The following THSD4 variants were observed in gnomAD, a reference collection of about 807,000 sequenced individuals.
THSD4 encodes the protein thrombospondin type 1 domain containing 4.
Under a neutral mutation model 119.0 loss-of-function variants are expected in THSD4, and 69 were observed. That is an observed-to-expected ratio of 0.58 (90% CI 0.48 to 0.71). The LOEUF is 0.71. Ranked by LOEUF, THSD4 falls within the 30% of genes least tolerant of loss-of-function variation. The pLI, the probability that THSD4 is intolerant of heterozygous loss-of-function variation, is 0.00. For synonymous variants in THSD4, 524 were observed against 540.4 expected (o/e 0.97, Z 0.42); for missense variants, 1,393 against 1,391.1 (o/e 1.00, Z -0.02).
chr15:71,447,109 A>ATTTTTTTTTTTT (rs1491223591), intron 7 of THSD4, among the ~76,000 whole-genome samples: 6 of 69,482 alleles, frequency 8.6e-5, no homozygotes, highest in African/African-American at 2.8e-4. Context: ...TCTTCCCTCC[A>ATTTTTTTTTTTT]TTTTTTTTGT....
rs35006832 is a variant in THSD4 at position 71,409,886 on chromosome 15, G to GTT, written c.1016-1789_1016-1788dup. ...CAGCATTAGTCTTGTCTCCAAAACA[G>GTT]TTTTTTTTTTTTTGTTTTTTTTACA... On this transcript the variant is annotated intron_variant, in intron 6 of 17. Transcript: ENST00000261862. Among the ~76,000 whole-genome samples, 808 of 148,850 alleles carry GTT rather than the reference G, an allele frequency of 5.4e-3. 10 individuals carry two copies. Among genetic ancestry groups the GTT allele is most frequent in the East Asian group, 0.051 (262 of 5,104 alleles).
chr15:71,273,691 T>G lies in THSD4; in HGVS notation c.1015+16976T>G, dbSNP rs561316949. ...TAAAATTTAAAAATACACAGTATCA[T>G]TTTGAGACTCATTTAGAATTATAGG... On this transcript the variant is annotated intron_variant, in intron 6 of 17. Transcript: ENST00000261862. Among the ~76,000 whole-genome samples the G allele has an allele frequency of 1.2e-3, 190 of 152,280 alleles. 1 individual carries two copies. The highest frequency in any genetic ancestry group is 3.4e-3 in the Middle Eastern group (1 of 294).
At chr15:71,399,629 G>A (rs1268960902) in intron 6 of THSD4, among the ~76,000 whole-genome samples, 5 of 152,164 alleles carry the variant, frequency 3.3e-5, no homozygotes, top group East Asian at 3.8e-4. Flanking sequence ...GGTTACAAGC[G>A]AGGTCTCCTT....
At chr15:71,772,284 A>G (rs1322205725) in intron 17 of THSD4, among the ~76,000 whole-genome samples, 1 of 152,204 alleles carries the variant, frequency 6.6e-6, no homozygotes, top group African/African-American at 2.4e-5. Context: ...CAGTTACAGC[A>G]TAGATGCTTT....
At chr15:71,146,949 A>G (rs975742222) in intron 2 of THSD4, among the ~76,000 whole-genome samples, 3 of 152,194 alleles carry the variant, frequency 2.0e-5, no homozygotes, top group African/African-American at 4.8e-5. Context: ...AAAAGGCTCA[A>G]TGGAGTCAAG....
At chr15:71,186,906 A>G (rs994560722) in intron 3 of THSD4, 3 of 152,202 alleles carry the variant, frequency 2.0e-5, no homozygotes, top group Admixed American at 6.5e-5. Flanking sequence ...AAGTCTTTCT[A>G]TTTAGAGTTG....
intron 7 of THSD4, among the ~76,000 whole-genome samples, chr15:71,499,511 A>AC (rs1490630817): frequency 1.3e-5 from 2 of 151,964 alleles, no homozygotes; most frequent in African/African-American, 4.8e-5. Flanking sequence ...AAAAAAAAAA[A>AC]AACATAAAAT....
chr15:71,242,701 C>T lies in THSD4; in HGVS notation c.517C>T (p.Pro173Ser). The T allele has an allele frequency of 3.7e-6, 6 of 1,614,200 alleles. No individual in the cohort carries two copies. Among genetic ancestry groups the T allele is most frequent in the Non-Finnish European group, 5.1e-6 (6 of 1,180,038 alleles). Residue 173 changes from proline to serine, a missense_variant, in exon 5 of 18, where the codon CCA becomes TCA. Physicochemically the swap from Pro to Ser is moderately conservative, Grantham distance 74. Coordinates refer to ENST00000261862, the MANE Select transcript of THSD4 (RefSeq NM_024817.3). ...TGGCAAGTATGGCTATGGTAAGGCC[C>T]CATATATCTTACCACTGCAGACAGA... ...GPGKYGYGKA[P>S]YILPLQTDTA...
intron 7 of THSD4, among the ~76,000 whole-genome samples, chr15:71,440,630 A>G (rs2047076193): frequency 6.6e-6 from 1 of 152,204 alleles, no homozygotes; most frequent in Non-Finnish European, 1.5e-5. Context: ...GACTTGTAAT[A>G]CTGCTTGATG....
At chr15:71,713,079 A>C (rs1299694632) in intron 8 of THSD4, among the ~76,000 whole-genome samples, 1 of 152,264 alleles carries the variant, frequency 6.6e-6, no homozygotes, top group African/African-American at 2.4e-5. Context: ...AGGCTCCTCA[A>C]GCCAAGGAAA....
intron 7 of THSD4, among the ~76,000 whole-genome samples, chr15:71,453,459 G>A (rs1273907273): frequency 1.3e-5 from 2 of 152,116 alleles, no homozygotes; most frequent in South Asian, 2.1e-4. Flanking sequence ...GGAGCAACAC[G>A]GTGTCACCTG....
chr15:71,735,745 T>G (rs1044137969), intron 10 of THSD4, among the ~76,000 whole-genome samples: 1 of 151,298 alleles, frequency 6.6e-6, no homozygotes, highest in Non-Finnish European at 1.5e-5. Flanking sequence ...ACTGTCCCTG[T>G]CTCTCTTGCT....
At chr15:71,321,938 G>C (rs541394609) in intron 6 of THSD4, among the ~76,000 whole-genome samples, 1 of 151,342 alleles carries the variant, frequency 6.6e-6, no homozygotes, top group Non-Finnish European at 1.5e-5. Context: ...ATAAAAGCCA[G>C]AGTCAACAAT....
rs972736459 is a variant in THSD4 at position 71,739,110 on chromosome 15, A to AC, written c.1906+1103_1906+1104insC. 2.6e-5 allele frequency among the ~76,000 whole-genome samples: 4 copies of AC among 151,848 alleles called. No individual in the cohort carries two copies. In the East Asian group the frequency reaches 5.8e-4, roughly 22 times the overall value. On this transcript the variant is annotated intron_variant, in intron 11 of 17. Coordinates refer to ENST00000261862, the MANE Select transcript of THSD4 (RefSeq NM_024817.3). ...TCTCAGGATTTCAGAAAAAAAAAAA[A>AC]AAAACAAAACTTTGCAGGCTTGGCG...
chr15:71,532,281 A>AGAGAGAGAGAGAGAGAGT (rs1555423940), intron 7 of THSD4, among the ~76,000 whole-genome samples: 3 of 113,140 alleles, frequency 2.7e-5, no homozygotes, highest in African/African-American at 7.0e-5. Context: ...AGAGAGAGAG[A>AGAGAGAGAGAGAGAGAGT]GAGTGTGTGT....
At chr15:71,107,635 T>C (rs1596201570) in intron 1 of THSD4, among the ~76,000 whole-genome samples, 1 of 152,232 alleles carries the variant, frequency 6.6e-6, no homozygotes, top group South Asian at 2.1e-4. Context: ...TTCTTGCTCA[T>C]GTTTGCCTCT....
At chr15:71,142,856 T>G (rs1170519955) in intron 2 of THSD4, among the ~76,000 whole-genome samples, 1 of 152,244 alleles carries the variant, frequency 6.6e-6, no homozygotes, top group Admixed American at 6.5e-5. Context: ...TAGTCCCACA[T>G]GCCTAGAACT....
intron 6 of THSD4, among the ~76,000 whole-genome samples, chr15:71,337,528 G>T (rs2140382737): frequency 6.6e-6 from 1 of 152,348 alleles, no homozygotes; most frequent in African/African-American, 2.4e-5. Flanking sequence ...ATGGAAACTG[G>T]ATAAACAGGT....
intron 8 of THSD4, among the ~76,000 whole-genome samples, chr15:71,708,491 G>A (rs536486999): frequency 3.3e-5 from 5 of 152,202 alleles, no homozygotes; most frequent in South Asian, 2.1e-4. Context: ...AATACCAAAC[G>A]TGCAGCCAGA....
Sources: gnomAD v4.1 joint callset for allele counts (sites outside exome capture counted in the v4.1 genomes callset) on GRCh38, gnomAD v4.1.1 for gene constraint, MANE v1.5 for transcripts, NCBI Gene and HGNC (gene_info 2026-07-23, HGNC 2026-07-21) for gene names.